The following DNMT3A variants were observed in gnomAD, a reference collection of about 807,000 sequenced individuals.
DNMT3A encodes the protein DNA methyltransferase 3 alpha.
In DNMT3A, 267 loss-of-function variants were observed where a neutral mutation model predicts 117.6. The observed-to-expected ratio is 2.27, with a 90% confidence interval of 2.05 to 2.51. The LOEUF (loss-of-function observed/expected upper bound fraction) is 2.51. DNMT3A is among the 30% of genes most tolerant of loss of function. The probability of loss-of-function intolerance (pLI) is 0.00; values close to 1 mark genes in which losing one functional copy is unlikely to be tolerated. For missense variants in DNMT3A, 1,029 were observed against 1,260.2 expected (o/e 0.82, Z 2.78); for synonymous variants, 432 against 474.8 (o/e 0.91, Z 1.17).
At chr2:25,241,894 C>A in intron 16 of DNMT3A, 187 bp from the exon 17 acceptor site, 1 of 717,198 alleles carries the variant, frequency 1.4e-6, no homozygotes, top group South Asian at 2.2e-5. Context: ...GACATCGAGG[C>A]TCTGTCTCAT....
Position 25,240,420 on chromosome 2 carries a change from TA to T in DNMT3A, c.2203del (p.Tyr735ThrfsTer44). ...GGGCCGCGCATCATGCAGGAGGCGG[TA>T]GAACTCAAAGAAGAGCCGGCCAGTG... ...EGTGRLFFEF[Y>X]RLLHDARPKE... is the part of the protein sequence containing the mutation. On this transcript the variant is annotated frameshift_variant, in exon 19 of 23. Transcript: ENST00000321117. LOFTEE classifies it high-confidence loss of function. 6.2e-7 allele frequency: 1 copy of T among 1,612,074 alleles called. No homozygotes were observed.
rs201699997 is a variant in DNMT3A at position 25,247,017 on chromosome 2, G to A, written c.1122+34C>T. 5 of 1,601,888 alleles carry A rather than the reference G, an allele frequency of 3.1e-6. No homozygotes were observed. In the African/African-American group the frequency reaches 5.4e-5, roughly 17 times the overall value. ...ACTTCCAGGCCTCCTAGTGCTCTAG[G>A]CTCCTCCTCCGAGCTCCCAGCAGGG... On this transcript the variant is annotated intron_variant, in intron 9 of 22. Coordinates refer to ENST00000321117, the MANE Select transcript of DNMT3A (RefSeq NM_022552.5). The surrounding 1 kb of genome is among the most constrained non-coding windows in gnomAD (Gnocchi z 5.6).
chr2:25,265,465 G>A (rs1446895085), intron 6 of DNMT3A, among the ~76,000 whole-genome samples: 1 of 152,214 alleles, frequency 6.6e-6, no homozygotes, highest in Non-Finnish European at 1.5e-5. Flanking sequence ...GGATACCCAT[G>A]TGGCCGCAAC....
intron 1 of DNMT3A, among the ~76,000 whole-genome samples, chr2:25,320,473 C>G (rs2034548109): frequency 6.6e-6 from 1 of 151,684 alleles, no homozygotes. Flanking sequence ...CACATTGTAC[C>G]CCATAGAGAT....
At chr2:25,303,387 C>T (rs1387414442) in intron 2 of DNMT3A, among the ~76,000 whole-genome samples, 1 of 152,248 alleles carries the variant, frequency 6.6e-6, no homozygotes, top group Non-Finnish European at 1.5e-5. Context: ...TGGCATCTCT[C>T]ACCTACACCA....
chr2:25,313,887 G>A, intron 2 of DNMT3A, 26 bp downstream of exon 2: 2 of 1,549,008 alleles, frequency 1.3e-6, no homozygotes, highest in Middle Eastern at 2.3e-4. Context: ...CAGGCCAGAG[G>A]GTCCCCAGCA....
rs1672766107 is a variant in DNMT3A, at chr2:25,228,775, G to A, written c.*5504C>T. On this transcript the variant is annotated 3_prime_UTR_variant, in exon 23 of 23. Coordinates refer to ENST00000321117, the MANE Select transcript of DNMT3A (RefSeq NM_022552.5). ...TCTAAGGAATTTCAGCATTTTTGTT[G>A]TCTGTTGAATTCTAGGGCTGTGCAA... 6.6e-6 allele frequency: 1 copy of A among 152,154 alleles called. No individual in the cohort carries two copies. Among genetic ancestry groups the A allele is most frequent in the Admixed American group, 6.5e-5 (1 of 15,282 alleles). The allele number at this position is 152,154 out of a possible 1,614,324, so 9.4% of individuals were successfully genotyped here. A position where few individuals can be genotyped will look rare whatever the true frequency, so the allele number is the denominator to read the frequency against.
At chr2:25,278,719 C>T (rs531930461) in intron 4 of DNMT3A, among the ~76,000 whole-genome samples, 14 of 152,084 alleles carry the variant, frequency 9.2e-5, no homozygotes, top group Non-Finnish European at 1.5e-4. Context: ...CCAGCTACTC[C>T]GGAGGCTGAG....
At chr2:25,261,267 C>T (rs1188128669) in intron 6 of DNMT3A, among the ~76,000 whole-genome samples, 7 of 151,600 alleles carry the variant, frequency 4.6e-5, no homozygotes, top group Non-Finnish European at 1.0e-4. Context: ...GGTGAAACCC[C>T]GTCTCCACTA....
At position 25,231,222 on chromosome 2, in the gene DNMT3A, T is replaced by C. The variant is rs539654113; in HGVS notation, c.*3057A>G. ...CCCAGCCCTCCTGGAGTGGCGCTGG[T>C]GGACTCCAGGCCCGAAGGACAGAGC... On this transcript the variant is annotated 3_prime_UTR_variant, in exon 23 of 23. Coordinates refer to ENST00000321117, the MANE Select transcript of DNMT3A (RefSeq NM_022552.5). 13 of 152,334 alleles carry C rather than the reference T, an allele frequency of 8.5e-5. No individual in the cohort carries two copies. The highest frequency in any genetic ancestry group is 1.3e-4 in the Admixed American group (2 of 15,300). 9.4% of individuals were successfully genotyped at this position (152,334 alleles called of 1,614,324 possible).
In DNMT3A at chr2:25,282,649, C is replaced by T. The variant is rs528145106; in HGVS notation, c.240G>A (p.Gln80=). ...GTAATAGCTCTGAGGCGCCTGAGTC[C>T]TGGGCCATGGATGGGGACTTGGAGA... ...AVISKSPSMA[Q]DSGASELLPN... Residue 80 remains glutamine, a synonymous_variant, in exon 4 of 23, where the codon CAG becomes CAA. Transcript: ENST00000321117. This position sits in a 1 kb window ranked among gnomAD's most constrained non-coding sequence, Gnocchi z 5.2. The T allele has an allele frequency of 5.0e-6, 8 of 1,605,724 alleles. No individual in the cohort carries two copies. The highest frequency in any genetic ancestry group is 6.8e-6 in the Non-Finnish European group (8 of 1,176,102).
In DNMT3A at chr2:25,311,481, G is replaced by A. The variant is rs1455625265; in HGVS notation, c.72+2432C>T. 1.3e-5 allele frequency among the ~76,000 whole-genome samples: 2 copies of A among 152,202 alleles called. No homozygotes were observed. Among genetic ancestry groups the A allele is most frequent in the South Asian group, 2.1e-4 (1 of 4,834 alleles). The stretch of plus-strand genomic sequence containing the variant: ...CAGCATGCGTGGTGTAGGTGTGGGC[G>A]GCTGGGGAGGAGGCCTGGCTATGGC... On this transcript the variant is annotated intron_variant, in intron 2 of 22. Transcript: ENST00000321117. This position sits in a 1 kb window ranked among gnomAD's most constrained non-coding sequence, Gnocchi z 5.2.
chr2:25,240,970 C>G (rs751281603), intron 17 of DNMT3A, among the ~76,000 whole-genome samples: 6 of 152,174 alleles, frequency 3.9e-5, no homozygotes, highest in Non-Finnish European at 5.9e-5. Context: ...GCAGGCAACA[C>G]AGCCACCCAC....
rs763521408 is a variant in DNMT3A, at chr2:25,244,665, G to A, written c.1555-13C>T. On this transcript the variant is annotated splice_polypyrimidine_tract_variant and intron_variant, in intron 13 of 22. Transcript: ENST00000321117. ...CCAGAAAGCAGTTCTAGACAGCAGC[G>A]GGAAGGGTCAGAAACCACCAGGACG... 1.2e-4 allele frequency: 193 copies of A among 1,612,336 alleles called. No individual in the cohort carries two copies. Among genetic ancestry groups the A allele is most frequent in the African/African-American group, 2.5e-4 (19 of 74,906 alleles).
rs2031922262 is a variant in DNMT3A at position 25,282,119 on chromosome 2, T to C, written c.448+322A>G. Reference sequence around the variant, plus strand: ...CGCCATTATCCCAGTCTAGCAATCGTTGGCGTTATGAAAGCCCGCTGTTGC... The same window carrying C: ...CGCCATTATCCCAGTCTAGCAATCGCTGGCGTTATGAAAGCCCGCTGTTGC... On this transcript the variant is annotated intron_variant, in intron 4 of 22. Coordinates refer to ENST00000321117, the MANE Select transcript of DNMT3A (RefSeq NM_022552.5). This position sits in a 1 kb window ranked among gnomAD's most constrained non-coding sequence, Gnocchi z 5.2. 6 of 1,154,258 alleles carry C rather than the reference T, an allele frequency of 5.2e-6. No homozygotes were observed. The highest frequency in any genetic ancestry group is 3.9e-5 in the Admixed American group (1 of 25,508). The allele number at this position is 1,154,258 out of a possible 1,614,324, so 71.5% of individuals were successfully genotyped here. A position where few individuals can be genotyped will look rare whatever the true frequency, so the allele number is the denominator to read the frequency against.
At chr2:25,277,172 G>A (rs1022133814) in intron 4 of DNMT3A, among the ~76,000 whole-genome samples, 2 of 152,270 alleles carry the variant, frequency 1.3e-5, no homozygotes, top group South Asian at 2.1e-4. Flanking sequence ...GGGCGGGCGC[G>A]CACTCGCCAG....
chr2:25,322,467 C>T (rs1037317255), intron 1 of DNMT3A, among the ~76,000 whole-genome samples: 8 of 151,866 alleles, frequency 5.3e-5, no homozygotes, highest in African/African-American at 7.3e-5. Context: ...CCCACCCTCA[C>T]GAAATGTTTA....
chr2:25,277,295 G>T lies in DNMT3A; in HGVS notation c.449-1752C>A, dbSNP rs186128392. Among the ~76,000 whole-genome samples the T allele has an allele frequency of 5.2e-3, 789 of 152,092 alleles. 3 individuals are homozygous for T. Among genetic ancestry groups the T allele is most frequent in the Non-Finnish European group, 8.2e-3 (556 of 67,954 alleles). The stretch of plus-strand genomic sequence containing the variant: ...CCACAGCCAGCTCCCCACTTTTTTC[G>T]CGGGGGCCCCCTCCAGCCTGTCCGG... On this transcript the variant is annotated intron_variant, in intron 4 of 22. Coordinates refer to ENST00000321117, the MANE Select transcript of DNMT3A (RefSeq NM_022552.5).
rs1218105493 is a variant in DNMT3A, at chr2:25,233,302, C to G, written c.*977G>C. 4.3e-5 allele frequency: 10 copies of G among 233,706 alleles called. No homozygotes were observed. The East Asian group carries it at 6.0e-4, about 14-fold the overall frequency. The allele number at this position is 233,706 out of a possible 1,614,324, so 14.5% of individuals were successfully genotyped here. A position where few individuals can be genotyped will look rare whatever the true frequency, so the allele number is the denominator to read the frequency against. ...TTACAAACCAAGGGGAAGAGCCCAC[C>G]GTGAGAACGCGCCATCTGCAAGCTG... On this transcript the variant is annotated 3_prime_UTR_variant, in exon 23 of 23. Coordinates refer to ENST00000321117, the MANE Select transcript of DNMT3A (RefSeq NM_022552.5).
Sources: allele counts gnomAD v4.1 joint callset (sites outside exome capture counted in the v4.1 genomes callset), GRCh38; gene constraint gnomAD v4.1.1; non-coding constraint Gnocchi (gnomAD v3.1); transcripts MANE v1.5; gene names NCBI Gene and HGNC (gene_info 2026-07-23, HGNC 2026-07-21).